APP: variants seen among roughly 807,000 people sequenced by gnomAD.
APP encodes amyloid beta precursor protein, also known as amyloid-beta precursor protein.
A neutral mutation model predicts 101.4 loss-of-function variants in APP; 31 were observed. That is an observed-to-expected ratio of 0.31 (90% CI 0.23 to 0.41). The LOEUF (loss-of-function observed/expected upper bound fraction) is 0.41, where lower values mean the gene tolerates loss of function less well. Ranked by LOEUF, APP falls within the 10% of genes least tolerant of loss-of-function variation. APP has a pLI of 1.00. For synonymous variants in APP, 366 were observed against 364.4 expected (o/e 1.00, Z -0.05); for missense variants, 839 against 1,003.7 (o/e 0.84, Z 2.22).
At chr21:26,049,323 A>G (rs1380507026) in intron 5 of APP, among the ~76,000 whole-genome samples, 1 of 152,198 alleles carries the variant, frequency 6.6e-6, no homozygotes, top group Non-Finnish European at 1.5e-5. Flanking sequence ...AGAAAATTCA[A>G]TGGTTTATTC....
At chr21:26,019,245 G>A (rs557563563) in intron 6 of APP, among the ~76,000 whole-genome samples, 2 of 152,308 alleles carry the variant, frequency 1.3e-5, no homozygotes, top group South Asian at 4.1e-4. Flanking sequence ...TGGCATTGAA[G>A]GTCTCTATAT....
intron 1 of APP, among the ~76,000 whole-genome samples, chr21:26,165,468 T>C (rs141149624): frequency 2.1e-4 from 32 of 152,382 alleles, no homozygotes; most frequent in African/African-American, 7.5e-4. Flanking sequence ...ACAGAATTTA[T>C]GCCCATGCAT....
intron 2 of APP, among the ~76,000 whole-genome samples, chr21:26,111,137 C>CT (rs1811173506): frequency 7.8e-6 from 1 of 127,538 alleles, no homozygotes; most frequent in Non-Finnish European, 1.7e-5. Context: ...GAACTTTGTA[C>CT]TTTTTTTGTA....
chr21:25,918,549 C>T lies in APP; in HGVS notation c.1688-6587G>A, dbSNP rs570090140. Among the ~76,000 whole-genome samples the T allele has an allele frequency of 1.7e-3, 263 of 152,122 alleles. 2 individuals carry two copies. Among genetic ancestry groups the T allele is most frequent in the African/African-American group, 5.7e-3 (237 of 41,574 alleles). ...GCACCGTGCGCGAGCCGAAGCAGGG[C>T]GAGGCATTGCCTCACCTGGGAAGCG... On this transcript the variant is annotated intron_variant, in intron 13 of 17. Transcript: ENST00000346798.
At chr21:26,139,518 T>C in intron 1 of APP, among the ~76,000 whole-genome samples, 1 of 152,348 alleles carries the variant, frequency 6.6e-6, no homozygotes, top group Middle Eastern at 3.4e-3. Flanking sequence ...ACTATGTGTT[T>C]ATACTATGGC....
At chr21:26,165,024 A>G (rs939898521) in intron 1 of APP, among the ~76,000 whole-genome samples, 5 of 152,232 alleles carry the variant, frequency 3.3e-5, no homozygotes, top group African/African-American at 4.8e-5. Flanking sequence ...AACCAATTGA[A>G]ATACACAATA....
At chr21:26,152,354 CAAACAAAACA>C (rs576661300) in intron 1 of APP, among the ~76,000 whole-genome samples, 3 of 141,522 alleles carry the variant, frequency 2.1e-5, no homozygotes, top group South Asian at 4.5e-4. Context: ...AATGTACAAA[CAAACAAAACA>C]AAACAAAACA....
intron 6 of APP, among the ~76,000 whole-genome samples, chr21:26,007,088 T>C (rs934060984): frequency 6.6e-6 from 1 of 152,000 alleles, no homozygotes; most frequent in African/African-American, 2.4e-5. Context: ...CAACATTTTA[T>C]AGCATTATTT....
chr21:26,014,858 A>G lies in APP; in HGVS notation c.865+6982T>C, dbSNP rs1353545115. ...ATCAAACCTTTTAGCTTTTATCATC[A>G]CATGAGACGGTGAAAGAGCCATCTG... On this transcript the variant is annotated intron_variant, in intron 6 of 17. Transcript: ENST00000346798. 3.9e-5 allele frequency among the ~76,000 whole-genome samples: 6 copies of G among 152,220 alleles called. 1 individual carries two copies. The highest frequency in any genetic ancestry group is 4.1e-4 in the South Asian group (2 of 4,828).
At chr21:26,000,426 G>A (rs540847786) in intron 6 of APP, among the ~76,000 whole-genome samples, 54 of 152,214 alleles carry the variant, frequency 3.5e-4, no homozygotes, top group Non-Finnish European at 6.8e-4. Context: ...AAAGGATTCC[G>A]GCCAAAGGTG....
chr21:25,980,037 C>T (rs1200283866), intron 9 of APP, among the ~76,000 whole-genome samples: 1 of 152,082 alleles, frequency 6.6e-6, no homozygotes, highest in Non-Finnish European at 1.5e-5. Flanking sequence ...GATGTGTCAG[C>T]GTGAAGAAGA....
intron 13 of APP, among the ~76,000 whole-genome samples, chr21:25,921,472 T>C (rs1323248691): frequency 1.4e-5 from 2 of 147,644 alleles, no homozygotes; most frequent in Non-Finnish European, 1.5e-5. Flanking sequence ...ACAAAATTGA[T>C]AGACCGCTAG....
At position 26,031,119 on chromosome 21, in the gene APP, G is replaced by A. The variant is rs117436083; in HGVS notation, c.663-9077C>T. Reference sequence around the variant, plus strand: ...TGGCCGGGCTGTTGCAGTTTCTACAGAAGATGGTAAAAGAAGATGCCCTGA... The same window carrying A: ...TGGCCGGGCTGTTGCAGTTTCTACAAAAGATGGTAAAAGAAGATGCCCTGA... On this transcript the variant is annotated intron_variant, in intron 5 of 17. Coordinates refer to ENST00000346798, the MANE Select transcript of APP (RefSeq NM_000484.4). Among the ~76,000 whole-genome samples the A allele has an allele frequency of 1.7e-4, 26 of 149,222 alleles. No homozygotes were observed. In the East Asian group the frequency reaches 3.0e-3, roughly 17 times the overall value.
intron 1 of APP, among the ~76,000 whole-genome samples, chr21:26,139,176 A>C (rs2062987502): frequency 1.3e-5 from 2 of 152,200 alleles, no homozygotes; most frequent in South Asian, 4.1e-4. Context: ...AAAATAAGTA[A>C]ATTGAAAAGT....
intron 13 of APP, among the ~76,000 whole-genome samples, chr21:25,925,631 A>AT (rs2039858222): frequency 6.6e-6 from 1 of 152,180 alleles, no homozygotes; most frequent in African/African-American, 2.4e-5. Flanking sequence ...TTATCCCTTC[A>AT]TGAAAGAAAA....
intron 5 of APP, among the ~76,000 whole-genome samples, chr21:26,027,349 C>T (rs373288925): frequency 1.3e-5 from 2 of 152,200 alleles, no homozygotes; most frequent in East Asian, 1.9e-4. Flanking sequence ...GATAAACAGA[C>T]GGTTCTCCTT....
At chr21:25,945,956 A>G (rs1305645994) in intron 13 of APP, 1 of 455,048 alleles carries the variant, frequency 2.2e-6, no homozygotes, top group Non-Finnish European at 4.4e-6. Flanking sequence ...TGCTGGAATT[A>G]CAGGCATGAG....
chr21:25,928,824 G>C lies in APP; in HGVS notation c.1688-16862C>G, dbSNP rs547756499. On this transcript the variant is annotated intron_variant, in intron 13 of 17. Coordinates refer to ENST00000346798, the MANE Select transcript of APP (RefSeq NM_000484.4). ...GTTGGACTGCAGAGGCGTAATCTCG[G>C]CTCATGGCAACCTCGGCCTCCTGAG... 7 of 138,640 alleles carry C rather than the reference G, an allele frequency of 5.0e-5. No homozygotes were observed. The East Asian group carries it at 1.2e-3, about 23-fold the overall frequency. The allele number at this position is 138,640 out of a possible 1,614,324, so 8.6% of individuals were successfully genotyped here.
At chr21:26,083,912 T>C (rs1319654182) in intron 3 of APP, among the ~76,000 whole-genome samples, 1 of 152,062 alleles carries the variant, frequency 6.6e-6, no homozygotes, top group Non-Finnish European at 1.5e-5. Flanking sequence ...GAAGTATAAA[T>C]CACCCATGCT....
Sources: allele counts gnomAD v4.1 joint callset (sites outside exome capture counted in the v4.1 genomes callset), GRCh38; gene constraint gnomAD v4.1.1; transcripts MANE v1.5; gene names NCBI Gene and HGNC (gene_info 2026-07-23, HGNC 2026-07-21).